SCEL: variants seen among roughly 807,000 people sequenced by gnomAD.
SCEL encodes the protein sciellin.
A neutral mutation model predicts 117.6 loss-of-function variants in SCEL; 113 were observed. That is an observed-to-expected ratio of 0.96 (90% CI 0.83 to 1.12). The LOEUF is 1.12. Among genes scored for constraint, SCEL ranks in the 50% most tolerant of loss-of-function variants. The probability of loss-of-function intolerance (pLI) is 0.00; values close to 1 mark genes in which losing one functional copy is unlikely to be tolerated. For synonymous variants in SCEL, 270 were observed against 256.2 expected, an observed-to-expected ratio of 1.05 and a Z score of -0.51; for missense variants, 785 against 810.8, an observed-to-expected ratio of 0.97 and a Z score of 0.39.
intron 9 of SCEL, 62 bp from the exon 10 acceptor site, chr13:77,589,082 A>T: frequency 8.2e-7 from 1 of 1,223,026 alleles, no homozygotes. Flanking sequence ...GCATTCAGTT[A>T]ATAGATGCTA....
chr13:77,619,428 A>G (rs2089285587), intron 27 of SCEL, among the ~76,000 whole-genome samples: 1 of 152,148 alleles, frequency 6.6e-6, no homozygotes, highest in African/African-American at 2.4e-5. Context: ...CTGGACTTAA[A>G]CTCAGGGACT....
Position 77,644,493 on chromosome 13 carries a change from G to T in SCEL, c.*219G>T. 2.0e-6 allele frequency: 1 copy of T among 500,790 alleles called. No individual in the cohort carries two copies. The highest frequency in any genetic ancestry group is 3.6e-6 in the Non-Finnish European group (1 of 280,324). The allele number at this position is 500,790 out of a possible 1,614,324, so 31.0% of individuals were successfully genotyped here. On this transcript the variant is annotated 3_prime_UTR_variant, in exon 33 of 33. Transcript: ENST00000349847. Reference sequence around the variant, plus strand: ...CTCTGGCTAGAGTTAGCAATAAAAAGTTCAAATGGTTCCAGATTCCAGTGT... The same window carrying T: ...CTCTGGCTAGAGTTAGCAATAAAAATTTCAAATGGTTCCAGATTCCAGTGT...
At chr13:77,543,505 A>C (rs558304850) in intron 1 of SCEL, among the ~76,000 whole-genome samples, 1 of 152,310 alleles carries the variant, frequency 6.6e-6, no homozygotes, top group East Asian at 1.9e-4. Context: ...AATTGATTGA[A>C]AGATTTTGGG....
chr13:77,570,358 G>A (rs2085526097), intron 8 of SCEL, among the ~76,000 whole-genome samples: 1 of 152,150 alleles, frequency 6.6e-6, no homozygotes, highest in African/African-American at 2.4e-5. Context: ...AGATTCCTAA[G>A]TTTGAAAGAG....
chr13:77,639,674 A>G (rs540633272), intron 30 of SCEL, among the ~76,000 whole-genome samples: 4 of 152,324 alleles, frequency 2.6e-5, no homozygotes, highest in Admixed American at 6.5e-5. Flanking sequence ...TAATAAAATG[A>G]TGATAAAAAT....
Position 77,644,045 on chromosome 13 carries a change from A to G in SCEL, c.2051-213A>G, listed in dbSNP as rs150199294. 2.5e-3 allele frequency among the ~76,000 whole-genome samples: 375 copies of G among 152,256 alleles called. 2 individuals are homozygous for G. The highest frequency in any genetic ancestry group is 8.5e-3 in the African/African-American group (354 of 41,558). On this transcript the variant is annotated intron_variant, in intron 32 of 32. Transcript: ENST00000349847. ...TATAATACATATAAGTTGTCAAGAG[A>G]TGACTCTCAGACATCTCATAAATAT... is the stretch of plus-strand genomic sequence containing the variant.
At chr13:77,599,411 T>C (rs2154401230) in intron 14 of SCEL, 23 bp downstream of exon 14, 3 of 1,595,436 alleles carry the variant, frequency 1.9e-6, no homozygotes, top group African/African-American at 1.3e-5. Flanking sequence ...GTCTCAAATA[T>C]GAAAATCTTA....
chr13:77,556,264 A>G (rs932517746), intron 2 of SCEL, among the ~76,000 whole-genome samples: 2 of 152,102 alleles, frequency 1.3e-5, no homozygotes, highest in Admixed American at 1.3e-4. Context: ...CTTCCAGGGT[A>G]TATTTCTTAT....
chr13:77,633,448 A>G (rs1231403998), intron 28 of SCEL, among the ~76,000 whole-genome samples: 1 of 132,652 alleles, frequency 7.5e-6, no homozygotes, highest in Non-Finnish European at 1.5e-5. Context: ...GCCTCAAAAA[A>G]AAAAAAAAAA....
At position 77,640,425 on chromosome 13, in the gene SCEL, A is replaced by G. The variant is rs542625173; in HGVS notation, c.1839-251A>G. Reference sequence around the variant, plus strand: ...GAACATCTTTGTCCCACCCAGATTTACTCTTGATTTCTGATGAATTAATAA... The same window carrying G: ...GAACATCTTTGTCCCACCCAGATTTGCTCTTGATTTCTGATGAATTAATAA... On this transcript the variant is annotated intron_variant, in intron 30 of 32. Coordinates refer to ENST00000349847, the MANE Select transcript of SCEL (RefSeq NM_144777.3). Among the ~76,000 whole-genome samples the G allele has an allele frequency of 1.8e-4, 28 of 152,184 alleles. 1 individual carries two copies. In the South Asian group the frequency reaches 5.2e-3, roughly 28 times the overall value.
rs1190141159 is a variant in SCEL at position 77,612,930 on chromosome 13, A to G, written c.1377A>G (p.Ser459=). The G allele has an allele frequency of 1.9e-6, 3 of 1,563,442 alleles. No homozygotes were observed. Among genetic ancestry groups the G allele is most frequent in the Non-Finnish European group, 2.6e-6 (3 of 1,155,606 alleles). The change falls in exon 23 of 33, where the codon TCA becomes TCG. Residue 459 remains serine, a synonymous_variant. Coordinates refer to ENST00000349847, the MANE Select transcript of SCEL (RefSeq NM_144777.3). ...DLENLIKVIP[S]ANKSSEQGLD... ...AAAATCTTATCAAAGTGATCCCTTC[A>G]GCAAACAAAAGGTAAACTTATTAAG... is the stretch of plus-strand genomic sequence containing the variant.
intron 12 of SCEL, among the ~76,000 whole-genome samples, chr13:77,594,971 T>C (rs1020270820): frequency 4.6e-5 from 7 of 152,326 alleles, no homozygotes; most frequent in Non-Finnish European, 8.8e-5. Flanking sequence ...TCTTCCCTCA[T>C]TGAAGTGTCT....
At chr13:77,636,536 A>C (rs1294049398) in intron 29 of SCEL, among the ~76,000 whole-genome samples, 1 of 152,216 alleles carries the variant, frequency 6.6e-6, no homozygotes, top group Non-Finnish European at 1.5e-5. Flanking sequence ...CCAGCTGGTT[A>C]GGACATTACA....
chr13:77,538,931 T>C (rs1435183438), intron 1 of SCEL, among the ~76,000 whole-genome samples: 2 of 152,166 alleles, frequency 1.3e-5, no homozygotes, highest in East Asian at 3.8e-4. Flanking sequence ...TGCAATAAAA[T>C]TATGAAATAA....
At position 77,593,300 on chromosome 13, in the gene SCEL, G is replaced by GCACGCGTC. The variant is rs374537294; in HGVS notation, c.693-214_693-213insCACGCGTC. 1.6e-3 allele frequency among the ~76,000 whole-genome samples: 239 copies of GCACGCGTC among 145,230 alleles called. 5 individuals carry two copies. Among genetic ancestry groups the GCACGCGTC allele is most frequent in the African/African-American group, 5.8e-3 (228 of 39,144 alleles). ...TGTGTGTGTGTGTGTGTGTGTGTCTGTGTGTGTGTGTGTGTGTGTCAGTGG... is the reference window on the plus strand; with the variant it reads ...TGTGTGTGTGTGTGTGTGTGTGTCTGCACGCGTCTGTGTGTGTGTGTGTGTGTCAGTGG... On this transcript the variant is annotated intron_variant, in intron 11 of 32. Transcript: ENST00000349847.
At chr13:77,598,568 G>A (rs749885768) in intron 13 of SCEL, among the ~76,000 whole-genome samples, 1 of 152,212 alleles carries the variant, frequency 6.6e-6, no homozygotes, top group Non-Finnish European at 1.5e-5. Flanking sequence ...CAAATGCCCT[G>A]TCTGAGCACA....
At chr13:77,556,206 A>G (rs1412472060) in intron 2 of SCEL, among the ~76,000 whole-genome samples, 1 of 152,190 alleles carries the variant, frequency 6.6e-6, no homozygotes, top group Non-Finnish European at 1.5e-5. Context: ...TCAAATGACC[A>G]GGACTTATTG....
At chr13:77,558,680 T>C (rs1356505565) in intron 3 of SCEL, among the ~76,000 whole-genome samples, 1 of 151,760 alleles carries the variant, frequency 6.6e-6, no homozygotes. Flanking sequence ...GCCGGGCGTG[T>C]TGGCGGGCAC....
intron 22 of SCEL, among the ~76,000 whole-genome samples, chr13:77,612,528 A>C (rs2154403238): frequency 7.0e-6 from 1 of 142,582 alleles, no homozygotes; most frequent in Middle Eastern, 3.8e-3. Flanking sequence ...GAAGGGGAGC[A>C]AGGAACATAT....
Sources: gnomAD v4.1 joint callset for allele counts (sites outside exome capture counted in the v4.1 genomes callset) on GRCh38, gnomAD v4.1.1 for gene constraint, MANE v1.5 for transcripts, NCBI Gene and HGNC (gene_info 2026-07-23, HGNC 2026-07-21) for gene names.